Variants in NAALADL2 observed in about 807,000 individuals in gnomAD.
The protein encoded by NAALADL2 is N-acetylated alpha-linked acidic dipeptidase like 2, also known as inactive N-acetylated-alpha-linked acidic dipeptidase-like protein 2.
Under a neutral mutation model 87.2 loss-of-function variants are expected in NAALADL2, and 76 were observed. The ratio of observed to expected loss-of-function variants is 0.87; its 90% CI spans 0.72 to 1.05. The LOEUF (loss-of-function observed/expected upper bound fraction) is 1.05, where lower values mean the gene tolerates loss of function less well. NAALADL2 is among the 50% of genes least tolerant of loss of function. The pLI is 0.00. For synonymous variants in NAALADL2, 354 were observed against 331.0 expected (o/e 1.07, Z -0.75); for missense variants, 1,089 against 945.8 (o/e 1.15, Z -1.99).
chr3:174,811,842 G>C (rs1002767812), intron 3 of NAALADL2, among the ~76,000 whole-genome samples: 1 of 152,216 alleles, frequency 6.6e-6, no homozygotes, highest in African/African-American at 2.4e-5. Flanking sequence ...GTGGAGCCTG[G>C]TGTGAGATTA....
intron 11 of NAALADL2, among the ~76,000 whole-genome samples, chr3:175,680,464 G>T (rs1208430722): frequency 6.6e-6 from 1 of 152,182 alleles, no homozygotes; most frequent in African/African-American, 2.4e-5. Flanking sequence ...TGATAATAGA[G>T]ATTTAGACCA....
At chr3:175,384,086 G>T (rs1332389891) in intron 5 of NAALADL2, among the ~76,000 whole-genome samples, 2 of 152,006 alleles carry the variant, frequency 1.3e-5, no homozygotes. Context: ...TAATAGCTGA[G>T]TAATGTTGAA....
intron 2 of NAALADL2, among the ~76,000 whole-genome samples, chr3:174,693,363 A>G (rs528170792): frequency 1.1e-4 from 17 of 152,268 alleles, no homozygotes; most frequent in African/African-American, 3.8e-4. Flanking sequence ...CTAAAACACA[A>G]TTTATCTGGA....
chr3:174,688,307 A>C (rs1266932038), intron 2 of NAALADL2, among the ~76,000 whole-genome samples: 4 of 152,154 alleles, frequency 2.6e-5, no homozygotes, highest in African/African-American at 9.6e-5. Flanking sequence ...ATTTAATAAC[A>C]TAAAGCAGTT....
chr3:175,131,475 T>TCACAGATCAA (rs2108631783), intron 2 of NAALADL2, among the ~76,000 whole-genome samples: 1 of 152,252 alleles, frequency 6.6e-6, no homozygotes, highest in East Asian at 1.9e-4. Context: ...GGGGGTAAGG[T>TCACAGATCAA]CACAGATCAA....
intron 1 of NAALADL2, among the ~76,000 whole-genome samples, chr3:175,057,877 C>G (rs1197606259): frequency 6.6e-6 from 1 of 152,210 alleles, no homozygotes; most frequent in African/African-American, 2.4e-5. Flanking sequence ...TGAGAATCCT[C>G]TAACCCCTAG....
Position 174,882,662 on chromosome 3 carries a change from C to T in NAALADL2, c.43+23212C>T, listed in dbSNP as rs369821524. 2.4e-3 allele frequency among the ~76,000 whole-genome samples: 270 copies of T among 114,524 alleles called. 1 individual carries two copies. The highest frequency in any genetic ancestry group is 4.5e-3 in the Non-Finnish European group (245 of 54,100). 75.1% of individuals were successfully genotyped at this position (114,524 alleles called of 152,430 possible). A position where few individuals can be genotyped will look rare whatever the true frequency, so the allele number is the denominator to read the frequency against. On this transcript the variant is annotated intron_variant, in intron 1 of 13. Coordinates refer to ENST00000454872, the MANE Select transcript of NAALADL2 (RefSeq NM_207015.3). ...ACATATGTGCATATACACATATGTGCATATACACATATGTGTATATGTGTA... is the reference window on the plus strand; with the variant it reads ...ACATATGTGCATATACACATATGTGTATATACACATATGTGTATATGTGTA...
In NAALADL2 at chr3:175,808,163, G is replaced by A. The variant is rs1158999929; in HGVS notation, c.*4960G>A. 6.6e-6 allele frequency: 1 copy of A among 151,794 alleles called. No homozygotes were observed. Among genetic ancestry groups the A allele is most frequent in the East Asian group, 1.9e-4 (1 of 5,186 alleles). 9.4% of individuals were successfully genotyped at this position (151,794 alleles called of 1,614,324 possible). On this transcript the variant is annotated 3_prime_UTR_variant, in exon 14 of 14. Transcript: ENST00000454872. ...CACTGAAGTGCCTTTAGCAGACCTG[G>A]GACCGTCAAGAATCTTGTTACCCTG... is the stretch of plus-strand genomic sequence containing the variant.
chr3:174,711,533 T>C (rs1730633764), intron 2 of NAALADL2, among the ~76,000 whole-genome samples: 1 of 152,218 alleles, frequency 6.6e-6, no homozygotes, highest in Non-Finnish European at 1.5e-5. Context: ...CTCTGGCCTT[T>C]TCTAATTTCT....
chr3:175,639,318 CT>C (rs756214274), intron 11 of NAALADL2, among the ~76,000 whole-genome samples: 5,873 of 108,530 alleles, frequency 0.054, 130 homozygotes, highest in African/African-American at 0.18. Flanking sequence ...AAGCGTTATT[CT>C]TTTTTTTTTT....
intron 10 of NAALADL2, among the ~76,000 whole-genome samples, chr3:175,590,921 A>G (rs1034702997): frequency 3.9e-5 from 6 of 152,098 alleles, no homozygotes; most frequent in Non-Finnish European, 8.8e-5. Flanking sequence ...TTAGGGATGA[A>G]GGGGGGTGCG....
chr3:174,877,024 A>G (rs1728592131), intron 1 of NAALADL2, among the ~76,000 whole-genome samples: 1 of 152,110 alleles, frequency 6.6e-6, no homozygotes, highest in Non-Finnish European at 1.5e-5. Context: ...TCTTTTTTAT[A>G]AAACATGAAT....
intron 5 of NAALADL2, among the ~76,000 whole-genome samples, chr3:175,361,073 G>C (rs1039694411): frequency 1.3e-5 from 2 of 150,914 alleles, no homozygotes; most frequent in Non-Finnish European, 2.9e-5. Flanking sequence ...CTGTGTCCAA[G>C]TGTTCTCATT....
At chr3:174,930,865 G>A (rs549837057) in intron 1 of NAALADL2, among the ~76,000 whole-genome samples, 106 of 151,564 alleles carry the variant, frequency 7.0e-4, no homozygotes, top group African/African-American at 2.2e-3. Context: ...CTTGTGATCC[G>A]CCCACCTCGG....
At chr3:175,667,235 GAA>G (rs199928849) in intron 11 of NAALADL2, among the ~76,000 whole-genome samples, 1,432 of 112,622 alleles carry the variant, frequency 0.013, 34 homozygotes, top group African/African-American at 0.055. Context: ...AAGAAAGAAA[GAA>G]AGAAAAAGAA....
intron 9 of NAALADL2, among the ~76,000 whole-genome samples, chr3:175,480,937 A>G (rs112795320): frequency 8.5e-5 from 13 of 152,076 alleles, no homozygotes; most frequent in African/African-American, 3.1e-4. Context: ...TAAACTATAC[A>G]TGGGCAAAAA....
intron 3 of NAALADL2, among the ~76,000 whole-genome samples, chr3:174,854,100 T>C (rs1337964637): frequency 2.0e-5 from 3 of 152,174 alleles, no homozygotes; most frequent in Non-Finnish European, 2.9e-5. Flanking sequence ...TGCAGCACTA[T>C]TCACAATAGT....
At chr3:175,208,340 A>T (rs970650256) in intron 2 of NAALADL2, among the ~76,000 whole-genome samples, 2 of 152,072 alleles carry the variant, frequency 1.3e-5, no homozygotes, top group Non-Finnish European at 2.9e-5. Flanking sequence ...CTTTGCTAGT[A>T]CCCCTGCCAT....
intron 2 of NAALADL2, among the ~76,000 whole-genome samples, chr3:174,689,308 A>G (rs1301605624): frequency 1.3e-5 from 2 of 151,764 alleles, no homozygotes; most frequent in Non-Finnish European, 2.9e-5. Flanking sequence ...ATCTCTGTTA[A>G]TTGAAATAGC....
Sources: gnomAD v4.1 joint callset for allele counts (sites outside exome capture counted in the v4.1 genomes callset) on GRCh38, gnomAD v4.1.1 for gene constraint, MANE v1.5 for transcripts, NCBI Gene and HGNC (gene_info 2026-07-23, HGNC 2026-07-21) for gene names.